The following ABCB1 variants were observed in gnomAD, a reference collection of about 807,000 sequenced individuals.
ABCB1 encodes the protein ATP binding cassette subfamily B member 1.
ABCB1 carries 69 observed loss-of-function variants against 142.0 expected under a neutral mutation model. That is an observed-to-expected ratio of 0.49 (90% CI 0.40 to 0.59). The LOEUF is 0.59. Among genes scored for constraint, ABCB1 ranks in the 20% least tolerant of loss-of-function variants. ABCB1 has a pLI of 0.00. For synonymous variants in ABCB1, 532 were observed against 539.2 expected (o/e 0.99, Z 0.18); for missense variants, 1,326 against 1,554.7 (o/e 0.85, Z 2.47).
At chr7:87,626,878 C>T (rs1267359017) in intron 1 of ABCB1, among the ~76,000 whole-genome samples, 8 of 151,974 alleles carry the variant, frequency 5.3e-5, no homozygotes, top group Non-Finnish European at 8.8e-5. Flanking sequence ...CGGGTTCAAA[C>T]GATTCTCCTG....
At chr7:87,535,338 ATT>A (rs143639915) in intron 20 of ABCB1, among the ~76,000 whole-genome samples, 97 of 144,306 alleles carry the variant, frequency 6.7e-4, no homozygotes, top group African/African-American at 2.3e-3. Flanking sequence ...TCTTCTTTGC[ATT>A]TTTTTTTTTT....
chr7:87,617,363 A>T (rs1278261523), intron 1 of ABCB1, among the ~76,000 whole-genome samples: 1 of 152,238 alleles, frequency 6.6e-6, no homozygotes, highest in Non-Finnish European at 1.5e-5. Context: ...TATGTCAAGG[A>T]TCCCCATATA....
Position 87,554,325 on chromosome 7 carries a change from T to A in ABCB1, c.828-393A>T, listed in dbSNP as rs28381879. On this transcript the variant is annotated intron_variant, in intron 8 of 27. Coordinates refer to ENST00000622132, the MANE Select transcript of ABCB1 (RefSeq NM_001348946.2). ...TAATTAATAAAATGGAGAGATAATG[T>A]TAGAAAGTACTAAAAAAAAAAAAAA... is the stretch of plus-strand genomic sequence containing the variant. 4.5e-5 allele frequency among the ~76,000 whole-genome samples: 6 copies of A among 134,506 alleles called. No homozygotes were observed. The East Asian group carries it at 1.3e-3, about 29-fold the overall frequency. The allele number at this position is 134,506 out of a possible 152,430, so 88.2% of individuals were successfully genotyped here.
intron 1 of ABCB1, among the ~76,000 whole-genome samples, chr7:87,620,521 T>C (rs1820187114): frequency 6.6e-6 from 1 of 152,174 alleles, no homozygotes; most frequent in African/African-American, 2.4e-5. Flanking sequence ...TGCATTTGAA[T>C]CCGTTGCATG....
intron 4 of ABCB1, among the ~76,000 whole-genome samples, chr7:87,581,790 A>G (rs1370741108): frequency 6.6e-6 from 1 of 152,188 alleles, no homozygotes; most frequent in Non-Finnish European, 1.5e-5. Context: ...CCGCAAGTCC[A>G]AGTCCCCTTA....
intron 20 of ABCB1, among the ~76,000 whole-genome samples, chr7:87,535,731 G>A (rs993177546): frequency 6.6e-6 from 1 of 152,230 alleles, no homozygotes; most frequent in Non-Finnish European, 1.5e-5. Flanking sequence ...TAGAAGAAAT[G>A]TTAGTATAGT....
intron 18 of ABCB1, 145 bp downstream of exon 18, chr7:87,541,212 A>G (rs1402594971): frequency 1.6e-6 from 1 of 632,216 alleles, no homozygotes; most frequent in Non-Finnish European, 2.8e-6. Flanking sequence ...ATCTTTTTTC[A>G]CTATGTCAGA....
chr7:87,521,094 T>C (rs566769085), intron 21 of ABCB1: 4 of 537,180 alleles, frequency 7.4e-6, no homozygotes, highest in East Asian at 6.8e-5. Flanking sequence ...TTTGCAGAAA[T>C]AGAAGCTAAG....
At chr7:87,690,352 T>C (rs1255219263) in intron 1 of ABCB1, among the ~76,000 whole-genome samples, 2 of 152,172 alleles carry the variant, frequency 1.3e-5, no homozygotes, top group Non-Finnish European at 2.9e-5. Flanking sequence ...TTCTTTAAAG[T>C]TATGACTTTT....
intron 21 of ABCB1, chr7:87,522,069 TG>T: frequency 8.9e-7 from 1 of 1,128,902 alleles, no homozygotes; most frequent in Non-Finnish European, 1.3e-6. Flanking sequence ...GGAACTTTGG[TG>T]GTGGTCGTGG....
At chr7:87,711,863 CT>C (rs1243080662) in intron 1 of ABCB1, among the ~76,000 whole-genome samples, 3 of 152,012 alleles carry the variant, frequency 2.0e-5, no homozygotes, top group Non-Finnish European at 4.4e-5. Context: ...TTTTTTCTAC[CT>C]CATTAATCAT....
chr7:87,619,836 A>G (rs1467782415), intron 1 of ABCB1, among the ~76,000 whole-genome samples: 1 of 152,034 alleles, frequency 6.6e-6, no homozygotes, highest in Non-Finnish European at 1.5e-5. Flanking sequence ...TGTCATTTTG[A>G]CATATTTTGA....
chr7:87,693,894 T>C, intron 1 of ABCB1: 5 of 1,432,170 alleles, frequency 3.5e-6, no homozygotes, highest in Non-Finnish European at 4.8e-6. Flanking sequence ...GTTGTTGTTA[T>C]TTTTTTTTTA....
intron 1 of ABCB1, among the ~76,000 whole-genome samples, chr7:87,707,797 G>C (rs1404623651): frequency 1.3e-5 from 2 of 152,138 alleles, no homozygotes; most frequent in Admixed American, 1.3e-4. Context: ...TTATCTCAGT[G>C]AATTGCAGAG....
chr7:87,582,407 T>C (rs1386931607), intron 4 of ABCB1, among the ~76,000 whole-genome samples: 2 of 152,180 alleles, frequency 1.3e-5, no homozygotes, highest in Non-Finnish European at 2.9e-5. Context: ...ACTAATCAAA[T>C]TCGACTGTAT....
intron 1 of ABCB1, among the ~76,000 whole-genome samples, chr7:87,641,468 T>A (rs1249583790): frequency 6.6e-6 from 1 of 152,212 alleles, no homozygotes; most frequent in Non-Finnish European, 1.5e-5. Flanking sequence ...TCCTGGCCTT[T>A]CAGGGTTTTC....
chr7:87,661,513 G>A (rs1361987278), intron 1 of ABCB1, among the ~76,000 whole-genome samples: 3 of 151,534 alleles, frequency 2.0e-5, no homozygotes, highest in Admixed American at 6.6e-5. Flanking sequence ...AAGTGAAAAT[G>A]AGCGAAGTTT....
At chr7:87,585,810 A>C in intron 3 of ABCB1, 130 bp from the exon 4 acceptor site, 2 of 868,832 alleles carry the variant, frequency 2.3e-6, no homozygotes, top group Non-Finnish European at 3.6e-6. Context: ...CTAGTCCAAG[A>C]CACCCTCTAC....
chr7:87,549,801 G>C (rs1478932942), intron 13 of ABCB1, 50 bp downstream of exon 13: 1 of 1,585,710 alleles, frequency 6.3e-7, no homozygotes, highest in South Asian at 1.1e-5. Flanking sequence ...TAGTAGGCCT[G>C]CATTTTATTT....
Sources: allele counts gnomAD v4.1 joint callset (sites outside exome capture counted in the v4.1 genomes callset), GRCh38; gene constraint gnomAD v4.1.1; transcripts MANE v1.5; gene names NCBI Gene and HGNC (gene_info 2026-07-23, HGNC 2026-07-21).